The following FAM107B variants were observed in gnomAD, a reference collection of about 807,000 sequenced individuals.
The protein encoded by FAM107B is family with sequence similarity 107 member B.
In FAM107B, 21 loss-of-function variants were observed where a neutral mutation model predicts 31.5. The ratio of observed to expected loss-of-function variants is 0.67; its 90% confidence interval spans 0.47 to 0.96. The LOEUF is 0.96. Among genes scored for constraint, FAM107B ranks in the 40% least tolerant of loss-of-function variants. The probability of loss-of-function intolerance (pLI) is 0.00; values close to 1 mark genes in which losing one functional copy is unlikely to be tolerated. For synonymous variants in FAM107B, 157 were observed against 141.5 expected (o/e 1.11, Z -0.78); for missense variants, 452 against 377.1 (o/e 1.20, Z -1.64).
At chr10:14,525,196 A>T (rs1316831328) in intron 3 of FAM107B, among the ~76,000 whole-genome samples, 2 of 152,210 alleles carry the variant, frequency 1.3e-5, no homozygotes, top group Non-Finnish European at 2.9e-5. Context: ...TGTCATAATT[A>T]ACTACAATAC....
chr10:14,753,083 A>G (rs960788994), intron 1 of FAM107B, among the ~76,000 whole-genome samples: 7 of 152,250 alleles, frequency 4.6e-5, no homozygotes, highest in African/African-American at 1.7e-4. Context: ...TAAAGTTTCT[A>G]GCTCAAAAGC....
In FAM107B at chr10:14,530,616, C is replaced by T. The variant is rs7923133; in HGVS notation, c.470-101G>A. ...GCTGTGCTCAGTATGCTAACACATG[C>T]CATCCTCCTGAGTCCACTCTGGGGC... On this transcript the variant is annotated intron_variant, in intron 2 of 4. Transcript: ENST00000181796. 4.6e-6 allele frequency: 5 copies of T among 1,096,646 alleles called. No homozygotes were observed. The South Asian group carries it at 7.6e-5, about 17-fold the overall frequency. The allele number at this position is 1,096,646 out of a possible 1,614,324, so 67.9% of individuals were successfully genotyped here.
intron 1 of FAM107B, among the ~76,000 whole-genome samples, chr10:14,692,858 A>G (rs1488796603): frequency 6.6e-5 from 10 of 152,226 alleles, no homozygotes; most frequent in Non-Finnish European, 1.5e-4. Flanking sequence ...GTGAGAATAA[A>G]ATATGTGGCC....
intron 2 of FAM107B, among the ~76,000 whole-genome samples, chr10:14,552,340 A>G (rs953321921): frequency 2.0e-5 from 3 of 152,214 alleles, no homozygotes; most frequent in African/African-American, 7.2e-5. Flanking sequence ...AGTTATAAGC[A>G]CTTTCCTTCT....
At chr10:14,593,452 C>A (rs928383351) in intron 2 of FAM107B, among the ~76,000 whole-genome samples, 6 of 151,934 alleles carry the variant, frequency 3.9e-5, no homozygotes, top group African/African-American at 7.3e-5. Context: ...CTGAGGTGGG[C>A]GGATCACTTG....
intron 2 of FAM107B, among the ~76,000 whole-genome samples, chr10:14,650,678 C>T (rs1272577890): frequency 1.3e-5 from 2 of 152,214 alleles, no homozygotes; most frequent in African/African-American, 4.8e-5. Flanking sequence ...TTCCATAAAA[C>T]TATGCATCAG....
intron 2 of FAM107B, chr10:14,548,624 C>T (rs980129090): frequency 2.0e-6 from 2 of 985,368 alleles, no homozygotes; most frequent in African/African-American, 3.5e-5. Flanking sequence ...CTGAGGAGGG[C>T]TCTCTCCAGC....
chr10:14,720,473 C>T (rs1305469405), intron 1 of FAM107B, among the ~76,000 whole-genome samples: 4 of 152,142 alleles, frequency 2.6e-5, no homozygotes, highest in Non-Finnish European at 4.4e-5. Context: ...AGGCTGGTCT[C>T]GAACTCCTGA....
chr10:14,578,267 T>A (rs1328871800), intron 2 of FAM107B, among the ~76,000 whole-genome samples: 1 of 152,220 alleles, frequency 6.6e-6, no homozygotes, highest in Non-Finnish European at 1.5e-5. Flanking sequence ...GGATGCTGGA[T>A]CCTTCATTTG....
chr10:14,642,475 T>C (rs1200999285), intron 2 of FAM107B, among the ~76,000 whole-genome samples: 2 of 152,224 alleles, frequency 1.3e-5, no homozygotes, highest in African/African-American at 2.4e-5. Context: ...CTCTACTTTC[T>C]CATCTAGTGA....
intron 1 of FAM107B, 108 bp from the exon 2 acceptor site, chr10:14,667,799 G>A: frequency 8.6e-7 from 1 of 1,159,656 alleles, no homozygotes; most frequent in Non-Finnish European, 1.3e-6. Context: ...ATCAAGACTT[G>A]AAAAACTTAA....
intron 1 of FAM107B, among the ~76,000 whole-genome samples, chr10:14,693,543 G>C (rs1211395855): frequency 1.4e-5 from 2 of 146,664 alleles, no homozygotes; most frequent in Non-Finnish European, 3.1e-5. Flanking sequence ...GGTTATTAGA[G>C]TGAAGCAAAT....
At chr10:14,760,283 T>C (rs976735123) in intron 1 of FAM107B, among the ~76,000 whole-genome samples, 3 of 152,212 alleles carry the variant, frequency 2.0e-5, no homozygotes, top group Admixed American at 1.3e-4. Flanking sequence ...CTGAAATTTC[T>C]TGCACGGCAG....
At chr10:14,575,734 C>G (rs12572966) in intron 2 of FAM107B, among the ~76,000 whole-genome samples, 1 of 152,010 alleles carries the variant, frequency 6.6e-6, no homozygotes, top group African/African-American at 2.4e-5. Context: ...CATGTGTGCA[C>G]GGGCTCACAA....
chr10:14,534,774 G>A (rs572758392), intron 2 of FAM107B: 1 of 152,266 alleles, frequency 6.6e-6, no homozygotes, highest in African/African-American at 2.4e-5. Flanking sequence ...GTCAACCACC[G>A]CCTTGTATTA....
At chr10:14,725,216 A>C (rs1856003150) in intron 1 of FAM107B, among the ~76,000 whole-genome samples, 2 of 152,262 alleles carry the variant, frequency 1.3e-5, no homozygotes, top group South Asian at 4.1e-4. Context: ...CTGGCTTATG[A>C]GATGGCTGAG....
intron 2 of FAM107B, among the ~76,000 whole-genome samples, chr10:14,626,499 C>T (rs553762387): frequency 8.3e-5 from 9 of 109,028 alleles, no homozygotes; most frequent in African/African-American, 2.0e-4. Context: ...TGAGGCGGAT[C>T]TTTTTTTTCT....
At chr10:14,637,799 G>A in intron 2 of FAM107B, among the ~76,000 whole-genome samples, 1 of 152,100 alleles carries the variant, frequency 6.6e-6, no homozygotes, top group East Asian at 1.9e-4. Flanking sequence ...GGCACTAAGG[G>A]TGGCCTCCTG....
At chr10:14,580,359 C>CAAA (rs397731792) in intron 2 of FAM107B, among the ~76,000 whole-genome samples, 1 of 148,734 alleles carries the variant, frequency 6.7e-6, no homozygotes. Context: ...GACTCCGTGC[C>CAAA]AAAAAAAAAA....
Sources: gnomAD v4.1 joint callset for allele counts (sites outside exome capture counted in the v4.1 genomes callset) on GRCh38, gnomAD v4.1.1 for gene constraint, MANE v1.5 for transcripts, NCBI Gene and HGNC (gene_info 2026-07-23, HGNC 2026-07-21) for gene names.